CSMD3: variants seen among roughly 807,000 people sequenced by gnomAD.
The protein encoded by CSMD3 is CUB and sushi domain-containing protein 3.
A neutral mutation model predicts 435.2 loss-of-function variants in CSMD3; 177 were observed. The ratio of observed to expected loss-of-function variants is 0.41; its 90% CI spans 0.36 to 0.46. The LOEUF (loss-of-function observed/expected upper bound fraction) is 0.46, where lower values mean the gene tolerates loss of function less well. Among genes scored for constraint, CSMD3 ranks in the 20% least tolerant of loss-of-function variants. The probability of loss-of-function intolerance (pLI) is 0.34; values close to 1 mark genes in which losing one functional copy is unlikely to be tolerated. For synonymous variants in CSMD3, 1,656 were observed against 1,520.5 expected (o/e 1.09, Z -2.07); for missense variants, 4,265 against 4,504.6 (o/e 0.95, Z 1.52).
chr8:112,741,533 C>A (rs374556840), intron 13 of CSMD3, among the ~76,000 whole-genome samples: 3 of 151,886 alleles, frequency 2.0e-5, no homozygotes, highest in Non-Finnish European at 4.4e-5. Context: ...AATAGTGAAG[C>A]CACCATGGAA....
chr8:112,406,077 A>G (rs1831832804), intron 35 of CSMD3, among the ~76,000 whole-genome samples: 1 of 152,058 alleles, frequency 6.6e-6, no homozygotes, highest in African/African-American at 2.4e-5. Context: ...GGAGATGGAT[A>G]TCCCATTCTT....
chr8:113,410,900 T>TGAAAAAGAAA lies in CSMD3; in HGVS notation c.178+25776_178+25777insTTTCTTTTTC, dbSNP rs1554633030. Among the ~76,000 whole-genome samples the TGAAAAAGAAA allele has an allele frequency of 9.5e-5, 10 of 105,482 alleles. No homozygotes were observed. In the South Asian group the frequency reaches 3.6e-3, roughly 38 times the overall value. The allele number at this position is 105,482 out of a possible 152,430, so 69.2% of individuals were successfully genotyped here. A position where few individuals can be genotyped will look rare whatever the true frequency, so the allele number is the denominator to read the frequency against. On this transcript the variant is annotated intron_variant, in intron 1 of 70. Transcript: ENST00000297405. ...AGCCTTGTGACAGAGCAAAACCCTG[T>TGAAAAAGAAA]GAAAGAAAGAAAGAAAGAAAGAAAG...
Position 112,921,680 on chromosome 8 carries a change from T to C in CSMD3, c.1580A>G (p.Gln527Arg). 6.2e-7 allele frequency: 1 copy of C among 1,611,744 alleles called. No homozygotes were observed. The highest frequency in any genetic ancestry group is 8.5e-7 in the Non-Finnish European group (1 of 1,178,076). ...VLQGAKSITCQRIAEVFAAWS... is the reference protein window; with the variant it reads ...VLQGAKSITCRRIAEVFAAWS... ...AGCAGCAAAAACTTCAGCTATCCGT[T>C]GACAGGTGATGCTCTTTGCGCCCTG... Residue 527 changes from glutamine to arginine, a missense_variant, in exon 10 of 71, where the codon CAA (glutamine) becomes CGA (arginine). This residue lies in a region of CSMD3 where 731 missense variants were observed against 755.4 expected (regional missense o/e 0.97). Coordinates refer to ENST00000297405, the MANE Select transcript of CSMD3 (RefSeq NM_198123.2).
At chr8:113,432,035 C>T (rs1242709208) in intron 1 of CSMD3, among the ~76,000 whole-genome samples, 2 of 152,084 alleles carry the variant, frequency 1.3e-5, no homozygotes, top group African/African-American at 4.8e-5. Flanking sequence ...TCTTTTTCTC[C>T]TTGAAGGATC....
At chr8:112,325,961 A>G (rs1168091812) in intron 45 of CSMD3, among the ~76,000 whole-genome samples, 1 of 152,182 alleles carries the variant, frequency 6.6e-6, no homozygotes. Flanking sequence ...TTTTAAGCTT[A>G]TCTTTCAATA....
At chr8:112,293,061 A>C (rs1304559320) in intron 54 of CSMD3, among the ~76,000 whole-genome samples, 1 of 152,052 alleles carries the variant, frequency 6.6e-6, no homozygotes. Context: ...AAATCTGGGG[A>C]ATAATTAAAG....
intron 5 of CSMD3, among the ~76,000 whole-genome samples, chr8:113,072,620 T>C (rs1265073293): frequency 1.3e-5 from 2 of 151,848 alleles, no homozygotes; most frequent in African/African-American, 2.4e-5. Context: ...ACCAACAATT[T>C]CCCTTTTGGT....
chr8:112,245,978 A>T (rs2130137121), intron 64 of CSMD3, among the ~76,000 whole-genome samples: 1 of 152,316 alleles, frequency 6.6e-6, no homozygotes, highest in Non-Finnish European at 1.5e-5. Flanking sequence ...GAGATGCTTC[A>T]CAGTGACAGA....
At position 112,292,730 on chromosome 8, in the gene CSMD3, G is replaced by A; in HGVS notation, c.8615-20C>T. 3 of 1,608,452 alleles carry A rather than the reference G, an allele frequency of 1.9e-6. No individual in the cohort carries two copies. Among genetic ancestry groups the A allele is most frequent in the Non-Finnish European group, 2.6e-6 (3 of 1,175,056 alleles). ...TAACAGCTAATAAGATGTGGCAGGA[G>A]GACAGGGAAGGAAACACAGAAAAAA... is the stretch of plus-strand genomic sequence containing the variant. On this transcript the variant is annotated intron_variant, in intron 54 of 70. Coordinates refer to ENST00000297405, the MANE Select transcript of CSMD3 (RefSeq NM_198123.2).
At chr8:113,211,847 T>C (rs72687646) in intron 3 of CSMD3, among the ~76,000 whole-genome samples, 9,832 of 152,234 alleles carry the variant, frequency 0.065, 443 homozygotes, top group Non-Finnish European at 0.095. Context: ...TGCTAAGTAA[T>C]TGAGAAGGTC....
intron 11 of CSMD3, among the ~76,000 whole-genome samples, chr8:112,846,507 A>C (rs1049735614): frequency 6.6e-6 from 1 of 151,818 alleles, no homozygotes; most frequent in African/African-American, 2.4e-5. Context: ...GACTCAAGTG[A>C]TCCTTCCACC....
At chr8:113,351,888 A>G (rs531872171) in intron 1 of CSMD3, among the ~76,000 whole-genome samples, 3 of 152,200 alleles carry the variant, frequency 2.0e-5, no homozygotes, top group African/African-American at 7.2e-5. Flanking sequence ...CCTGCATAGA[A>G]GAATCTTTCA....
intron 2 of CSMD3, among the ~76,000 whole-genome samples, chr8:113,305,443 C>T (rs7012271): frequency 0.63 from 95,641 of 152,004 alleles, 30,980 homozygotes; most frequent in East Asian, 0.75. Context: ...GCTGTTTTAC[C>T]GAAAGCAGGC....
intron 30 of CSMD3, among the ~76,000 whole-genome samples, chr8:112,495,158 C>T (rs549800026): frequency 2.0e-5 from 3 of 152,114 alleles, no homozygotes; most frequent in Non-Finnish European, 4.4e-5. Flanking sequence ...TAAAACTTTA[C>T]ATTGTACCTT....
chr8:112,893,890 G>A (rs1233530804), intron 10 of CSMD3, among the ~76,000 whole-genome samples: 1 of 151,390 alleles, frequency 6.6e-6, no homozygotes, highest in African/African-American at 2.4e-5. Context: ...CAATGGATAT[G>A]AAAGGTCAAG....
At chr8:113,248,099 A>G (rs1373660984) in intron 3 of CSMD3, among the ~76,000 whole-genome samples, 1 of 152,052 alleles carries the variant, frequency 6.6e-6, no homozygotes, top group Non-Finnish European at 1.5e-5. Context: ...AATTTATTCC[A>G]CTGACATCAA....
chr8:112,970,756 C>G (rs1482405760), intron 7 of CSMD3, among the ~76,000 whole-genome samples: 1 of 149,402 alleles, frequency 6.7e-6, no homozygotes, highest in African/African-American at 2.5e-5. Context: ...GAGCCTCTCT[C>G]TGTTGCTCAG....
intron 6 of CSMD3, among the ~76,000 whole-genome samples, chr8:113,009,290 G>A (rs1168685884): frequency 6.6e-6 from 1 of 151,726 alleles, no homozygotes; most frequent in Non-Finnish European, 1.5e-5. Context: ...GGGAGTAGTA[G>A]ATTCAGTACA....
At chr8:113,248,494 TAC>T (rs199844590) in intron 3 of CSMD3, among the ~76,000 whole-genome samples, 9,018 of 140,344 alleles carry the variant, frequency 0.064, 407 homozygotes, top group Non-Finnish European at 0.094. Flanking sequence ...TACATATATA[TAC>T]ACACACACAT....
Sources: allele counts gnomAD v4.1 joint callset (sites outside exome capture counted in the v4.1 genomes callset), GRCh38; gene constraint gnomAD v4.1.1; regional missense constraint gnomAD v4.1.1; transcripts MANE v1.5; gene names NCBI Gene and HGNC (gene_info 2026-07-23, HGNC 2026-07-21).